MTHFD2L: variants seen among roughly 807,000 people sequenced by gnomAD.
MTHFD2L encodes the protein methylenetetrahydrofolate dehydrogenase (NADP+ dependent) 2 like.
Under a neutral mutation model 34.9 loss-of-function variants are expected in MTHFD2L, and 29 were observed. That is an observed-to-expected ratio of 0.83 (90% CI 0.62 to 1.13). The LOEUF is 1.13. Among genes scored for constraint, MTHFD2L ranks in the 50% most tolerant of loss-of-function variants. MTHFD2L has a pLI of 0.00. For synonymous variants in MTHFD2L, 167 were observed against 155.7 expected (o/e 1.07, Z -0.54); for missense variants, 481 against 446.5 (o/e 1.08, Z -0.70).
In MTHFD2L at chr4:74,225,511, T is replaced by C. The variant is rs928773182; in HGVS notation, c.805+117T>C. 10 of 732,524 alleles carry C rather than the reference T, an allele frequency of 1.4e-5. No individual in the cohort carries two copies. The African/African-American group carries it at 1.8e-4, about 13-fold the overall frequency. The allele number at this position is 732,524 out of a possible 1,614,324, so 45.4% of individuals were successfully genotyped here. A position where few individuals can be genotyped will look rare whatever the true frequency, so the allele number is the denominator to read the frequency against. On this transcript the variant is annotated intron_variant, in intron 6 of 7. Transcript: ENST00000325278. ...GTTAGCTTTATGTATGACTAACTTC[T>C]GTTGATTGGATTCTGTCTCTTGGCA...
chr4:74,301,532 C>CGT (rs72168468), intron 7 of MTHFD2L, among the ~76,000 whole-genome samples, 165 bp from the exon 8 acceptor site: 7,306 of 146,068 alleles, frequency 0.05, 195 homozygotes, highest in East Asian at 0.098. Flanking sequence ...TGAGTGTGAG[C>CGT]GTGTGTGTGT....
chr4:74,215,990 C>T (rs1316443727), intron 5 of MTHFD2L, among the ~76,000 whole-genome samples: 2 of 151,282 alleles, frequency 1.3e-5, no homozygotes, highest in Admixed American at 6.6e-5. Flanking sequence ...TGACAGTTAT[C>T]CAATGAATTG....
chr4:74,221,746 GATAA>G (rs1257875502), intron 5 of MTHFD2L, among the ~76,000 whole-genome samples: 1 of 151,380 alleles, frequency 6.6e-6, no homozygotes, highest in Non-Finnish European at 1.5e-5. Context: ...TTGTTTTTAT[GATAA>G]ATATATATGG....
At chr4:74,195,729 T>C (rs1733351707) in intron 3 of MTHFD2L, 1 of 152,886 alleles carries the variant, frequency 6.5e-6, no homozygotes, top group Non-Finnish European at 1.5e-5. Context: ...CTTGGTTTTA[T>C]ACATTTTAGG....
chr4:74,258,823 TTTTTTATTAAGTCAGGAAAA>T (rs1237023096), intron 6 of MTHFD2L, among the ~76,000 whole-genome samples: 1 of 152,176 alleles, frequency 6.6e-6, no homozygotes, highest in African/African-American at 2.4e-5. Context: ...CAGAACAATA[TTTTTTATTAAGTCAGGAAAA>T]CTATGGACAG....
At chr4:74,293,365 T>C (rs1243154827) in intron 7 of MTHFD2L, 1 of 180,696 alleles carries the variant, frequency 5.5e-6, no homozygotes, top group Non-Finnish European at 1.1e-5. Context: ...TGACCAGATA[T>C]ATACAGATTT....
intron 6 of MTHFD2L, among the ~76,000 whole-genome samples, chr4:74,245,705 T>C (rs976651031): frequency 6.6e-6 from 1 of 152,010 alleles, no homozygotes; most frequent in Non-Finnish European, 1.5e-5. Flanking sequence ...TCAGTTCCCA[T>C]CTATGAGTGA....
At chr4:74,130,671 C>G (rs545463573) in intron 1 of MTHFD2L, among the ~76,000 whole-genome samples, 1 of 152,042 alleles carries the variant, frequency 6.6e-6, no homozygotes, top group Non-Finnish European at 1.5e-5. Flanking sequence ...CTTTGAAAAC[C>G]GGCACAAGAC....
chr4:74,181,448 G>A (rs1730149587), intron 3 of MTHFD2L, among the ~76,000 whole-genome samples: 1 of 152,114 alleles, frequency 6.6e-6, no homozygotes, highest in African/African-American at 2.4e-5. Flanking sequence ...AGGAAAAAGA[G>A]TGAACTGAGT....
Position 74,117,083 on chromosome 4 carries a change from G to A in MTHFD2L, c.-144+2426G>A, listed in dbSNP as rs751654525. Among the ~76,000 whole-genome samples, 6 of 152,210 alleles carry A rather than the reference G, an allele frequency of 3.9e-5. No individual in the cohort carries two copies. In the South Asian group the frequency reaches 1.2e-3, roughly 32 times the overall value. ...CTTTGATCTTGAGGCCTCTGTGATG[G>A]AAATGCTTGGAGAAAGGGATTTTAA... On this transcript the variant is annotated intron_variant and NMD_transcript_variant, in intron 2 of 9. Transcript: ENST00000429519.
At chr4:74,163,349 G>A (rs1214406277) in intron 1 of MTHFD2L, among the ~76,000 whole-genome samples, 1 of 152,144 alleles carries the variant, frequency 6.6e-6, no homozygotes, top group Non-Finnish European at 1.5e-5. Context: ...GGATTGTTCT[G>A]AGAAAGAGTC....
chr4:74,259,569 A>G (rs754426000), intron 6 of MTHFD2L, among the ~76,000 whole-genome samples: 6 of 152,346 alleles, frequency 3.9e-5, no homozygotes, highest in Non-Finnish European at 8.8e-5. Context: ...CTGCAAAAAC[A>G]GAGAGCCCCA....
intron 5 of MTHFD2L, 30 bp from the exon 6 acceptor site, chr4:74,225,272 A>G (rs1044375921): frequency 1.0e-5 from 16 of 1,554,308 alleles, no homozygotes; most frequent in Non-Finnish European, 1.1e-5. Flanking sequence ...AAGTTCAGTA[A>G]TCACTGATAG....
chr4:74,199,896 C>G lies in MTHFD2L; in HGVS notation c.554C>G (p.Ser185Cys). 6.2e-7 allele frequency: 1 copy of G among 1,613,924 alleles called. No homozygotes were observed. The highest frequency in any genetic ancestry group is 8.5e-7 in the Non-Finnish European group (1 of 1,179,894). Reference protein sequence around the residue: ...NIGRLCLDQHSLIPATASAVW... With the variant: ...NIGRLCLDQHCLIPATASAVW... ...GGAAGATTGTGCCTTGATCAGCATTCTCTCATACCTGCCACTGCCAGTGCT... is the reference window on the plus strand; with the variant it reads ...GGAAGATTGTGCCTTGATCAGCATTGTCTCATACCTGCCACTGCCAGTGCT... The change falls in exon 4 of 8, where the codon TCT becomes TGT. Residue 185 changes from serine (S) to cysteine (C), a missense_variant. By Grantham distance (112) the Ser-to-Cys change is moderately radical (BLOSUM62 -1). Transcript: ENST00000325278.
At chr4:74,219,486 A>G (rs538281137) in intron 5 of MTHFD2L, among the ~76,000 whole-genome samples, 1 of 152,234 alleles carries the variant, frequency 6.6e-6, no homozygotes, top group Admixed American at 6.5e-5. Context: ...AGCTGAGAAG[A>G]CAGAAAAAAA....
At chr4:74,235,176 A>G (rs1740664796) in intron 6 of MTHFD2L, among the ~76,000 whole-genome samples, 1 of 152,190 alleles carries the variant, frequency 6.6e-6, no homozygotes, top group Non-Finnish European at 1.5e-5. Flanking sequence ...CCTTTAAATA[A>G]TTAGAAGCAC....
At chr4:74,245,720 A>G (rs918902439) in intron 6 of MTHFD2L, among the ~76,000 whole-genome samples, 13 of 151,930 alleles carry the variant, frequency 8.6e-5, no homozygotes, top group African/African-American at 3.1e-4. Flanking sequence ...GAGTGAGAAC[A>G]CGTGGTGTTT....
At chr4:74,278,030 CA>C (rs200289986) in intron 6 of MTHFD2L, among the ~76,000 whole-genome samples, 31 of 149,760 alleles carry the variant, frequency 2.1e-4, no homozygotes, top group Admixed American at 1.3e-3. Flanking sequence ...ATTCTTGCTA[CA>C]AAAAAAAATA....
chr4:74,218,993 A>T (rs1439426655), intron 5 of MTHFD2L, among the ~76,000 whole-genome samples: 1 of 152,130 alleles, frequency 6.6e-6, no homozygotes, highest in Non-Finnish European at 1.5e-5. Flanking sequence ...AAAATAATAT[A>T]AAAATAGTAT....
Sources: gnomAD v4.1 joint callset for allele counts (sites outside exome capture counted in the v4.1 genomes callset) on GRCh38, gnomAD v4.1.1 for gene constraint, MANE v1.5 for transcripts, NCBI Gene and HGNC (gene_info 2026-07-23, HGNC 2026-07-21) for gene names.